TDG: variants seen among roughly 807,000 people sequenced by gnomAD.
TDG encodes thymine DNA glycosylase.
TDG carries 23 observed loss-of-function variants against 46.1 expected under a neutral mutation model. The observed-to-expected ratio is 0.50, with a 90% CI of 0.36 to 0.71. The LOEUF (loss-of-function observed/expected upper bound fraction) is 0.71. Ranked by LOEUF, TDG falls within the 30% of genes least tolerant of loss-of-function variation. The pLI is 0.00. For missense variants in TDG, 304 were observed against 486.7 expected (o/e 0.62, Z 3.53); for synonymous variants, 115 against 161.3 (o/e 0.71, Z 2.18).
At chr12:103,974,974 C>CAA (rs34864393) in intron 1 of TDG, among the ~76,000 whole-genome samples, 63 of 77,120 alleles carry the variant, frequency 8.2e-4, no homozygotes, top group Non-Finnish European at 1.3e-3. Context: ...GACTCCGTCT[C>CAA]AAAAAAAAAA....
intron 1 of TDG, among the ~76,000 whole-genome samples, chr12:103,970,935 G>GA (rs947029676): frequency 4.0e-5 from 6 of 149,332 alleles, no homozygotes; most frequent in Admixed American, 1.3e-4. Context: ...AATTATTTGG[G>GA]AAAAAAAAAG....
At chr12:103,971,509 T>A (rs1163760449) in intron 1 of TDG, among the ~76,000 whole-genome samples, 1 of 152,108 alleles carries the variant, frequency 6.6e-6, no homozygotes, top group Non-Finnish European at 1.5e-5. Context: ...TGAGCCGAGA[T>A]CATGCCATTG....
chr12:103,984,289 TTC>T (rs1566183608), intron 7 of TDG, among the ~76,000 whole-genome samples: 1 of 152,108 alleles, frequency 6.6e-6, no homozygotes, highest in Non-Finnish European at 1.5e-5. Flanking sequence ...TACTGTGTCA[TTC>T]TCTGTTACAT....
chr12:103,986,837 A>G, intron 9 of TDG, 111 bp from the exon 10 acceptor site: 1 of 1,191,924 alleles, frequency 8.4e-7, no homozygotes, highest in Non-Finnish European at 1.2e-6. Flanking sequence ...AAGAGCTGTG[A>G]TCATGCCACT....
intron 4 of TDG, 27 bp from the exon 5 acceptor site, chr12:103,982,772 A>G: frequency 1.2e-6 from 2 of 1,610,934 alleles, no homozygotes; most frequent in Non-Finnish European, 1.7e-6. Context: ...CTAAAAAAAA[A>G]TAAATAACTG....
intron 3 of TDG, 69 bp from the exon 4 acceptor site, chr12:103,980,824 C>T (rs1250786995): frequency 2.1e-6 from 3 of 1,410,658 alleles, no homozygotes; most frequent in Non-Finnish European, 2.9e-6. Flanking sequence ...GTCCACCACT[C>T]CTCCATAGAA....
chr12:103,967,454 TA>T (rs992779065), intron 1 of TDG, among the ~76,000 whole-genome samples: 1 of 135,754 alleles, frequency 7.4e-6, no homozygotes, highest in Non-Finnish European at 1.5e-5. Flanking sequence ...AAAATAAATT[TA>T]CTTTTTTTTT....
At position 103,987,288 on chromosome 12, in the gene TDG, G is replaced by C. The variant is rs1368468273; in HGVS notation, c.*198G>C. The C allele has an allele frequency of 1.1e-5, 7 of 622,038 alleles. No homozygotes were observed. The highest frequency in any genetic ancestry group is 1.8e-5 in the Non-Finnish European group (7 of 393,112). 38.5% of individuals were successfully genotyped at this position (622,038 alleles called of 1,614,324 possible). ...GAAAAAGTAGGGTTTTTGTATACTA[G>C]CTTTTGTATTTGAATTAATTATCAT... On this transcript the variant is annotated 3_prime_UTR_variant, in exon 10 of 10. Coordinates refer to ENST00000392872, the MANE Select transcript of TDG (RefSeq NM_003211.6).
chr12:103,983,781 A>G (rs185299716), intron 7 of TDG, among the ~76,000 whole-genome samples: 25 of 152,350 alleles, frequency 1.6e-4, no homozygotes, highest in East Asian at 1.3e-3. Context: ...CCCCATTTAT[A>G]TATCTTAGCT....
intron 3 of TDG, 76 bp from the exon 4 acceptor site, chr12:103,980,817 C>T (rs1871784605): frequency 7.5e-7 from 1 of 1,326,136 alleles, no homozygotes; most frequent in Non-Finnish European, 1.1e-6. Flanking sequence ...CAATTTTGTC[C>T]ACCACTCCTC....
intron 2 of TDG, among the ~76,000 whole-genome samples, chr12:103,978,333 G>A (rs973957774): frequency 6.6e-6 from 1 of 152,120 alleles, no homozygotes; most frequent in East Asian, 1.9e-4. Flanking sequence ...TGGAGGAGGT[G>A]CCACTCACCA....
chr12:103,968,967 A>G (rs1593506549), intron 1 of TDG, among the ~76,000 whole-genome samples: 1 of 152,220 alleles, frequency 6.6e-6, no homozygotes, highest in East Asian at 1.9e-4. Flanking sequence ...CGTCTCTACT[A>G]AAAATACAAA....
chr12:103,988,149 T>G lies in TDG; in HGVS notation c.*1059T>G, dbSNP rs1411397952. 1 of 152,666 alleles carries G rather than the reference T, an allele frequency of 6.6e-6. No homozygotes were observed. Among genetic ancestry groups the G allele is most frequent in the Admixed American group, 6.5e-5 (1 of 15,292 alleles). 9.5% of individuals were successfully genotyped at this position (152,666 alleles called of 1,614,324 possible). A position where few individuals can be genotyped will look rare whatever the true frequency, so the allele number is the denominator to read the frequency against. ...TACCTTTGTGATTTTCTAATGAGTT[T>G]TCCATGGTGCTACAAATAATCCAGA... On this transcript the variant is annotated 3_prime_UTR_variant, in exon 10 of 10. Coordinates refer to ENST00000392872, the MANE Select transcript of TDG (RefSeq NM_003211.6).
At chr12:103,979,590 T>G (rs4135092) in intron 2 of TDG, among the ~76,000 whole-genome samples, 2 of 152,048 alleles carry the variant, frequency 1.3e-5, no homozygotes, top group Non-Finnish European at 2.9e-5. Flanking sequence ...AATAATAGTC[T>G]ATGATTATTC....
At chr12:103,982,391 C>G (rs1187459777) in intron 4 of TDG, among the ~76,000 whole-genome samples, 1 of 152,170 alleles carries the variant, frequency 6.6e-6, no homozygotes, top group Non-Finnish European at 1.5e-5. Context: ...GTTTCCTAAA[C>G]TGAGTTGCTA....
In TDG at chr12:103,966,020, C is replaced by T. The variant is rs1870984536; in HGVS notation, c.-18C>T. 1.3e-6 allele frequency: 2 copies of T among 1,595,510 alleles called. No individual in the cohort carries two copies. Among genetic ancestry groups the T allele is most frequent in the Non-Finnish European group, 1.7e-6 (2 of 1,171,910 alleles). On this transcript the variant is annotated 5_prime_UTR_variant, in exon 1 of 10. Coordinates refer to ENST00000392872, the MANE Select transcript of TDG (RefSeq NM_003211.6). ...TGTGCCCGGCAGGTGGAGCCGCCCG[C>T]ATCAGCGGCCTCGGGGAATGGAAGC...
intron 2 of TDG, among the ~76,000 whole-genome samples, chr12:103,977,301 C>T (rs1371543663): frequency 6.6e-6 from 1 of 152,150 alleles, no homozygotes; most frequent in Non-Finnish European, 1.5e-5. Context: ...CAGCTCAGCA[C>T]AGTTTGTAGT....
intron 2 of TDG, among the ~76,000 whole-genome samples, chr12:103,979,109 C>CTTTTTTTTTTTT (rs372883902): frequency 2.8e-4 from 34 of 123,574 alleles, no homozygotes; most frequent in Non-Finnish European, 2.7e-4. Flanking sequence ...TTTTTTCTTT[C>CTTTTTTTTTTTT]TTTTTTTTTT....
intron 4 of TDG, among the ~76,000 whole-genome samples, chr12:103,981,682 G>A (rs1465125941): frequency 1.3e-5 from 2 of 152,060 alleles, no homozygotes; most frequent in Non-Finnish European, 2.9e-5. Flanking sequence ...GCATAAAATA[G>A]TAGTAAAGAC....
Sources: allele counts gnomAD v4.1 joint callset (sites outside exome capture counted in the v4.1 genomes callset), GRCh38; gene constraint gnomAD v4.1.1; transcripts MANE v1.5; gene names NCBI Gene and HGNC (gene_info 2026-07-23, HGNC 2026-07-21).